Variants in ACCSL observed in about 807,000 individuals in gnomAD.
ACCSL encodes the protein 1-aminocyclopropane-1-carboxylate synthase homolog (inactive) like, also known as probable inactive 1-aminocyclopropane-1-carboxylate synthase-like protein 2.
A neutral mutation model predicts 61.7 loss-of-function variants in ACCSL; 55 were observed. That is an observed-to-expected ratio of 0.89 (90% CI 0.72 to 1.12). The LOEUF (loss-of-function observed/expected upper bound fraction) is 1.12, where lower values mean the gene tolerates loss of function less well. ACCSL is among the 50% of genes most tolerant of loss of function. ACCSL has a pLI of 0.00. For missense variants in ACCSL, 632 were observed against 698.0 expected (o/e 0.91, Z 1.07); for synonymous variants, 258 against 264.3 (o/e 0.98, Z 0.23).
At chr11:44,032,819 T>C in the ACCSL span, among the ~76,000 whole-genome samples, 1 of 152,082 alleles carries the variant, frequency 6.6e-6, no homozygotes, top group Non-Finnish European at 1.5e-5. Context: ...GCCAAGAATT[T>C]TCCCAGTGGG....
At chr11:43,921,395 G>A in the ACCSL span, among the ~76,000 whole-genome samples, 2 of 152,146 alleles carry the variant, frequency 1.3e-5, no homozygotes, top group Non-Finnish European at 1.5e-5. Context: ...AAATGAGCAC[G>A]GCTTGTTTCT....
At chr11:43,966,723 C>A in the ACCSL span, among the ~76,000 whole-genome samples, 1 of 152,104 alleles carries the variant, frequency 6.6e-6, no homozygotes, top group Admixed American at 6.5e-5. Flanking sequence ...TGGGACTAGT[C>A]CTTTTATGAG....
At chr11:44,046,089 A>T (rs1952595528), upstream of ACCSL, among the ~76,000 whole-genome samples, 1 of 152,220 alleles carries the variant, frequency 6.6e-6, no homozygotes, top group Non-Finnish European at 1.5e-5. Context: ...GTATTTGGAA[A>T]GATAGTGTGA....
chr11:43,923,039 C>T, the ACCSL span, among the ~76,000 whole-genome samples: 1 of 152,194 alleles, frequency 6.6e-6, no homozygotes, highest in Non-Finnish European at 1.5e-5. Context: ...AGCTAATAAA[C>T]CTGCCCTTTC....
At chr11:43,925,699 T>C in the ACCSL span, among the ~76,000 whole-genome samples, 3 of 152,072 alleles carry the variant, frequency 2.0e-5, no homozygotes, top group Admixed American at 2.0e-4. Flanking sequence ...CTGAGCCCTG[T>C]GGGGAGAGGT....
the ACCSL span, among the ~76,000 whole-genome samples, chr11:43,930,341 T>C: frequency 2.6e-4 from 39 of 152,162 alleles, no homozygotes; most frequent in Admixed American, 9.8e-4. Context: ...AGCCATGATA[T>C]GGTTTGAATA....
At chr11:43,969,239 T>C in the ACCSL span, among the ~76,000 whole-genome samples, 324 of 152,104 alleles carry the variant, frequency 2.1e-3, 1 homozygote, top group Admixed American at 5.2e-3. Flanking sequence ...CAGGCGCCTG[T>C]AGTCTCAGCT....
At chr11:44,004,668 T>C in the ACCSL span, among the ~76,000 whole-genome samples, 115,023 of 152,104 alleles carry the variant, frequency 0.76, 43,623 homozygotes, top group Admixed American at 0.8. Context: ...GGTAAATGAC[T>C]CCAGGGTCTT....
chr11:43,944,342 G>A, the ACCSL span: 1 of 162,412 alleles, frequency 6.2e-6, no homozygotes, highest in East Asian at 1.8e-4. Flanking sequence ...CCGAGAGTGG[G>A]CTGGAGGCCA....
chr11:44,036,037 T>G, the ACCSL span, among the ~76,000 whole-genome samples: 1 of 151,550 alleles, frequency 6.6e-6, no homozygotes, highest in Non-Finnish European at 1.5e-5. Flanking sequence ...GGGGAGAACT[T>G]CAGTGCCCTT....
At chr11:44,025,447 A>G in the ACCSL span, among the ~76,000 whole-genome samples, 82,892 of 151,822 alleles carry the variant, frequency 0.55, 22,961 homozygotes, top group Admixed American at 0.6. Flanking sequence ...TTATTTTAAC[A>G]TAACTTTGTT....
At chr11:43,935,155 G>A in the ACCSL span, among the ~76,000 whole-genome samples, 5 of 152,214 alleles carry the variant, frequency 3.3e-5, no homozygotes, top group South Asian at 2.1e-4. Flanking sequence ...AGGGACCCCC[G>A]GCGAATCAGA....
the ACCSL span, chr11:43,942,590 TG>T: frequency 3.2e-6 from 1 of 315,166 alleles, no homozygotes; most frequent in Non-Finnish European, 6.3e-6. Flanking sequence ...CAGAGCCGTG[TG>T]GGCAGCCGCG....
At chr11:44,057,683 G>A (rs1296163280) in intron 11 of ACCSL, among the ~76,000 whole-genome samples, 1 of 150,580 alleles carries the variant, frequency 6.6e-6, no homozygotes, top group Non-Finnish European at 1.5e-5. Flanking sequence ...GGAGCTGCGA[G>A]TCCCTGCTGC....
chr11:43,921,325 T>A, the ACCSL span, among the ~76,000 whole-genome samples: 1 of 152,194 alleles, frequency 6.6e-6, no homozygotes, highest in Non-Finnish European at 1.5e-5. Flanking sequence ...TGACAAGCTC[T>A]CTGGCTCCTG....
Position 44,058,397 on chromosome 11 carries a change from G to A in ACCSL, c.1408G>A (p.Ala470Thr). 1 of 1,614,122 alleles carries A rather than the reference G, an allele frequency of 6.2e-7. No homozygotes were observed. Among genetic ancestry groups the A allele is most frequent in the East Asian group, 2.2e-5 (1 of 44,878 alleles). Residue 470 changes from alanine (A) to threonine (T), a missense_variant, in exon 12 of 14, where the codon GCA becomes ACA. By Grantham distance (58) the Ala-to-Thr change is moderately conservative (BLOSUM62 0). Transcript: ENST00000378832. Reference protein sequence around the residue: ...AHKYITAELKALEIPFHNRSS... With the variant: ...AHKYITAELKTLEIPFHNRSS... ...CAAGTACATCACTGCTGAGCTGAAG[G>A]CATTGGAGATCCCTTTTCACAACCG...
chr11:43,942,282 A>G, the ACCSL span: 1 of 166,604 alleles, frequency 6.0e-6, no homozygotes, highest in Non-Finnish European at 1.3e-5. Flanking sequence ...GGGGAGGGGG[A>G]CCTGCGGCCC....
the ACCSL span, among the ~76,000 whole-genome samples, chr11:43,963,945 ATTT>A: frequency 6.6e-6 from 1 of 151,934 alleles, no homozygotes; most frequent in Non-Finnish European, 1.5e-5. Flanking sequence ...CATGACATTT[ATTT>A]TTTTATTTGC....
the ACCSL span, among the ~76,000 whole-genome samples, chr11:44,023,041 C>CTTTTTTTTTTTTTTTTTTTTT: frequency 1.2e-5 from 1 of 86,452 alleles, no homozygotes. Context: ...TCTTCTTCTT[C>CTTTTTTTTTTTTTTTTTTTTT]TTTTTTTTTT....
Sources: allele counts gnomAD v4.1 joint callset (sites outside exome capture counted in the v4.1 genomes callset), GRCh38; gene constraint gnomAD v4.1.1; transcripts MANE v1.5; gene names NCBI Gene and HGNC (gene_info 2026-07-23, HGNC 2026-07-21).